Variants in FHIT observed in about 807,000 individuals in gnomAD.
FHIT encodes fragile histidine triad diadenosine triphosphatase.
A neutral mutation model predicts 17.9 loss-of-function variants in FHIT; 19 were observed. The observed-to-expected ratio is 1.06, with a 90% CI of 0.74 to 1.56. The LOEUF is 1.56. Among genes scored for constraint, FHIT ranks in the 40% most tolerant of loss-of-function variants. The pLI, the probability that FHIT is intolerant of heterozygous loss-of-function variation, is 0.00. For synonymous variants in FHIT, 81 were observed against 69.7 expected (o/e 1.16, Z -0.81); for missense variants, 248 against 189.2 (o/e 1.31, Z -1.82).
intron 3 of FHIT, among the ~76,000 whole-genome samples, chr3:60,826,434 C>A (rs1702125682): frequency 6.6e-6 from 1 of 152,222 alleles, no homozygotes; most frequent in African/African-American, 2.4e-5. Context: ...TCAAGCGATT[C>A]TCCTGCCTCA....
intron 3 of FHIT, among the ~76,000 whole-genome samples, chr3:60,908,713 T>C (rs1373317651): frequency 7.5e-5 from 3 of 39,978 alleles, no homozygotes; most frequent in African/African-American, 8.1e-5. Flanking sequence ...AAGTCTCTTA[T>C]GAAAAAAAAA....
chr3:60,676,812 C>T (rs2040630766), intron 4 of FHIT, among the ~76,000 whole-genome samples: 1 of 152,112 alleles, frequency 6.6e-6, no homozygotes, highest in Non-Finnish European at 1.5e-5. Context: ...ACCACAAGAA[C>T]TCATTTTTTT....
At chr3:60,191,995 C>G (rs1464447372) in intron 5 of FHIT, among the ~76,000 whole-genome samples, 1 of 151,764 alleles carries the variant, frequency 6.6e-6, no homozygotes, top group Non-Finnish European at 1.5e-5. Context: ...ACCTGTAATC[C>G]CAGCACTGAG....
Position 60,400,556 on chromosome 3 carries a change from A to G in FHIT, c.103+136304T>C, listed in dbSNP as rs115049196. ...TGGGGCTTGTAGGGATATGTAAGAA[A>G]CATCTGCTGGTCACCAAGGGGAAGA... is the stretch of plus-strand genomic sequence containing the variant. On this transcript the variant is annotated intron_variant, in intron 5 of 9. Coordinates refer to ENST00000492590, the MANE Select transcript of FHIT (RefSeq NM_002012.4). Among the ~76,000 whole-genome samples, 588 of 152,242 alleles carry G rather than the reference A, an allele frequency of 3.9e-3. 7 individuals are homozygous for G. Among genetic ancestry groups the G allele is most frequent in the African/African-American group, 0.014 (569 of 41,544 alleles).
intron 5 of FHIT, among the ~76,000 whole-genome samples, chr3:60,469,204 T>C (rs192876138): frequency 6.6e-6 from 1 of 152,300 alleles, no homozygotes; most frequent in African/African-American, 2.4e-5. Context: ...TATCTTTCTC[T>C]AGGTTTTGGA....
intron 7 of FHIT, 54 bp from the exon 8 acceptor site, chr3:59,922,468 G>T: frequency 6.9e-7 from 1 of 1,451,944 alleles, no homozygotes; most frequent in South Asian, 1.2e-5. Flanking sequence ...TGTATTTTTA[G>T]ACTTGACAGT....
intron 5 of FHIT, among the ~76,000 whole-genome samples, chr3:60,351,418 A>G (rs1699389539): frequency 6.6e-6 from 1 of 152,200 alleles, no homozygotes; most frequent in Non-Finnish European, 1.5e-5. Flanking sequence ...GTGTAACTTT[A>G]TATGCAGAAA....
rs114204655 is a variant in FHIT, at chr3:60,081,170, G to T, written c.104-67018C>A. On this transcript the variant is annotated intron_variant, in intron 5 of 9. Transcript: ENST00000492590. Reference sequence around the variant, plus strand: ...GTTCCCATTAGAATCACCTGAGGGGGTTATTTAAAATGCAGATTCCTGGGC... The same window carrying T: ...GTTCCCATTAGAATCACCTGAGGGGTTTATTTAAAATGCAGATTCCTGGGC... 2.1e-3 allele frequency among the ~76,000 whole-genome samples: 318 copies of T among 152,230 alleles called. 1 individual carries two copies. The highest frequency in any genetic ancestry group is 7.4e-3 in the African/African-American group (309 of 41,560).
chr3:60,847,881 C>T (rs1431790239), intron 3 of FHIT, among the ~76,000 whole-genome samples: 2 of 152,042 alleles, frequency 1.3e-5, no homozygotes, highest in Admixed American at 6.6e-5. Context: ...ATAAAGTATG[C>T]CAAATGAAAT....
intron 4 of FHIT, among the ~76,000 whole-genome samples, chr3:60,591,669 T>C (rs540998585): frequency 3.3e-5 from 5 of 152,180 alleles, no homozygotes; most frequent in South Asian, 2.1e-4. Context: ...TGTTACACTA[T>C]GAAACAAGAT....
intron 5 of FHIT, among the ~76,000 whole-genome samples, chr3:60,446,304 C>T (rs895155889): frequency 1.3e-5 from 2 of 152,132 alleles, no homozygotes; most frequent in African/African-American, 2.4e-5. Flanking sequence ...GCTGTGAATG[C>T]AGAATTATAG....
intron 3 of FHIT, among the ~76,000 whole-genome samples, chr3:61,034,629 TA>T (rs959919154): frequency 6.6e-6 from 1 of 152,126 alleles, no homozygotes; most frequent in Non-Finnish European, 1.5e-5. Context: ...TAATGGAAAA[TA>T]ACAAATGTTG....
chr3:59,754,937 C>A (rs1158133697), intron 8 of FHIT, among the ~76,000 whole-genome samples: 1 of 150,118 alleles, frequency 6.7e-6, no homozygotes. Context: ...ATCTAGGAAG[C>A]TTTAAAAAAT....
chr3:60,177,441 C>A (rs1701730912), intron 5 of FHIT, among the ~76,000 whole-genome samples: 1 of 152,114 alleles, frequency 6.6e-6, no homozygotes, highest in South Asian at 2.1e-4. Flanking sequence ...TTCTCCCTAA[C>A]ACTAAAGTTT....
At chr3:59,825,576 T>C (rs1040289822) in intron 8 of FHIT, among the ~76,000 whole-genome samples, 1 of 152,238 alleles carries the variant, frequency 6.6e-6, no homozygotes, top group African/African-American at 2.4e-5. Flanking sequence ...CCACACCTGA[T>C]GTACTGAATA....
chr3:60,500,218 G>A (rs1253840807), intron 5 of FHIT, among the ~76,000 whole-genome samples: 2 of 152,170 alleles, frequency 1.3e-5, no homozygotes, highest in African/African-American at 2.4e-5. Flanking sequence ...AATTGATGAT[G>A]TTGCTTTCAC....
chr3:61,184,999 G>C (rs2038462036), intron 2 of FHIT, among the ~76,000 whole-genome samples: 2 of 152,146 alleles, frequency 1.3e-5, no homozygotes, highest in African/African-American at 4.8e-5. Context: ...AACACAACTG[G>C]TGATTTCTAG....
intron 3 of FHIT, among the ~76,000 whole-genome samples, chr3:60,982,133 G>A (rs1358965976): frequency 6.6e-6 from 1 of 152,204 alleles, no homozygotes; most frequent in Non-Finnish European, 1.5e-5. Flanking sequence ...AATGGATCAT[G>A]TCTTCCTAGA....
intron 4 of FHIT, among the ~76,000 whole-genome samples, chr3:60,734,699 C>T (rs536352822): frequency 2.0e-5 from 3 of 152,304 alleles, no homozygotes; most frequent in East Asian, 3.9e-4. Context: ...TAGATAACTT[C>T]GAATGGGAAA....
Sources: allele counts gnomAD v4.1 joint callset (sites outside exome capture counted in the v4.1 genomes callset), GRCh38; gene constraint gnomAD v4.1.1; transcripts MANE v1.5; gene names NCBI Gene and HGNC (gene_info 2026-07-23, HGNC 2026-07-21).